Variants in SERP1 observed in about 807,000 individuals in gnomAD.
SERP1 encodes the protein stress-associated endoplasmic reticulum protein 1.
Under a neutral mutation model 8.8 loss-of-function variants are expected in SERP1, and 6 were observed. That is an observed-to-expected ratio of 0.68 (90% CI 0.37 to 1.35). SERP1 has a LOEUF of 1.35. Among genes scored for constraint, SERP1 ranks in the 40% most tolerant of loss-of-function variants. The probability of loss-of-function intolerance (pLI) is 0.02; values close to 1 mark genes in which losing one functional copy is unlikely to be tolerated. For missense variants in SERP1, 52 were observed against 86.2 expected (o/e 0.60, Z 1.57); for synonymous variants, 36 against 28.7 (o/e 1.25, Z -0.81).
Position 150,546,350 on chromosome 3 carries a change from G to A in SERP1, c.-215C>T. 5.1e-6 allele frequency: 3 copies of A among 588,088 alleles called. No individual in the cohort carries two copies. The highest frequency in any genetic ancestry group is 5.9e-6 in the Non-Finnish European group (2 of 340,534). The allele number at this position is 588,088 out of a possible 1,614,324, so 36.4% of individuals were successfully genotyped here. A position where few individuals can be genotyped will look rare whatever the true frequency, so the allele number is the denominator to read the frequency against. ...CGGCCGCCGACTGACTGACCGAGCG[G>A]GGCAGGTGCGCAGGAGGAAGAGAAC... On this transcript the variant is annotated 5_prime_UTR_variant, in exon 1 of 3. Transcript: ENST00000239944.
At position 150,542,860 on chromosome 3, in the gene SERP1, A is replaced by T. The variant is rs1259869592; in HGVS notation, c.*1598T>A. On this transcript the variant is annotated 3_prime_UTR_variant, in exon 3 of 3. Transcript: ENST00000239944. ...CATAAAACAGAATTAGTTAACCAAG[A>T]CACTTGTTTCAAAAAGGGAAACAAG... 2 of 152,654 alleles carry T rather than the reference A, an allele frequency of 1.3e-5. No individual in the cohort carries two copies. The highest frequency in any genetic ancestry group is 2.9e-5 in the Non-Finnish European group (2 of 68,032). 9.5% of individuals were successfully genotyped at this position (152,654 alleles called of 1,614,324 possible). A position where few individuals can be genotyped will look rare whatever the true frequency, so the allele number is the denominator to read the frequency against.
At chr3:150,545,634 C>T (rs1178606645) in intron 2 of SERP1, 69 bp downstream of exon 2, 1 of 1,456,644 alleles carries the variant, frequency 6.9e-7, no homozygotes, top group East Asian at 2.4e-5. Context: ...CACTACTGAC[C>T]GGTCACCACG....
In SERP1 at chr3:150,542,844, G is replaced by A. The variant is rs535058739; in HGVS notation, c.*1614C>T. On this transcript the variant is annotated 3_prime_UTR_variant, in exon 3 of 3. Coordinates refer to ENST00000239944, the MANE Select transcript of SERP1 (RefSeq NM_014445.4). ...ATGAATTTAGCACAACCATAAAACAGAATTAGTTAACCAAGACACTTGTTT... is the reference window on the plus strand; with the variant it reads ...ATGAATTTAGCACAACCATAAAACAAAATTAGTTAACCAAGACACTTGTTT... 1.8e-3 allele frequency: 280 copies of A among 152,694 alleles called. 1 individual carries two copies. Among genetic ancestry groups the A allele is most frequent in the Non-Finnish European group, 2.9e-3 (198 of 67,992 alleles). The allele number at this position is 152,694 out of a possible 1,614,324, so 9.5% of individuals were successfully genotyped here. A position where few individuals can be genotyped will look rare whatever the true frequency, so the allele number is the denominator to read the frequency against.
intron 2 of SERP1, 199 bp downstream of exon 2, chr3:150,545,504 C>T (rs1722967930): frequency 1.7e-6 from 1 of 576,202 alleles, no homozygotes; most frequent in Non-Finnish European, 3.1e-6. Context: ...ACAAATTAAG[C>T]TGGGAGAAGT....
In SERP1 at chr3:150,542,227, T is replaced by C. The variant is rs559560943; in HGVS notation, c.*2231A>G. ...TTCTCATACTGTGCTCAACATTAGATGATCTATAAAATTCAACTGGCAAAG... is the reference window on the plus strand; with the variant it reads ...TTCTCATACTGTGCTCAACATTAGACGATCTATAAAATTCAACTGGCAAAG... On this transcript the variant is annotated 3_prime_UTR_variant, in exon 3 of 3. Transcript: ENST00000239944. 1 of 152,240 alleles carries C rather than the reference T, an allele frequency of 6.6e-6. No individual in the cohort carries two copies. The highest frequency in any genetic ancestry group is 2.1e-4 in the South Asian group (1 of 4,838). The allele number at this position is 152,240 out of a possible 1,614,324, so 9.4% of individuals were successfully genotyped here.
rs1401249718 is a variant in SERP1 at position 150,543,777 on chromosome 3, TTTTA to T, written c.*677_*680del. 1 of 152,206 alleles carries T rather than the reference TTTTA, an allele frequency of 6.6e-6. No homozygotes were observed. The highest frequency in any genetic ancestry group is 1.5e-5 in the Non-Finnish European group (1 of 68,010). 9.4% of individuals were successfully genotyped at this position (152,206 alleles called of 1,614,324 possible). ...AAGTCAGAAAACGATCAAGTTTTTT[TTTTA>T]TGGCATCTTGGGTTACTATACTCAC... is the stretch of plus-strand genomic sequence containing the variant. On this transcript the variant is annotated 3_prime_UTR_variant, in exon 3 of 3. Transcript: ENST00000239944.
rs1050091 is a variant in SERP1 at position 150,544,254 on chromosome 3, T to C, written c.*204A>G. 3.6e-6 allele frequency: 2 copies of C among 555,786 alleles called. No individual in the cohort carries two copies. The highest frequency in any genetic ancestry group is 2.6e-5 in the South Asian group (1 of 39,202). The allele number at this position is 555,786 out of a possible 1,614,324, so 34.4% of individuals were successfully genotyped here. A position where few individuals can be genotyped will look rare whatever the true frequency, so the allele number is the denominator to read the frequency against. ...AAATTTTATTGCTTTATTCATGTGG[T>C]GTTTTTTGCAAGGCACTGTGGTATG... On this transcript the variant is annotated 3_prime_UTR_variant, in exon 3 of 3. Coordinates refer to ENST00000239944, the MANE Select transcript of SERP1 (RefSeq NM_014445.4).
intron 2 of SERP1, among the ~76,000 whole-genome samples, chr3:150,545,068 G>A (rs1478860885): frequency 1.4e-5 from 2 of 146,806 alleles, no homozygotes; most frequent in African/African-American, 5.0e-5. Flanking sequence ...GATAAATGAA[G>A]AGAGGAAAGA....
intron 2 of SERP1, 36 bp downstream of exon 2, chr3:150,545,667 A>G: frequency 6.3e-7 from 1 of 1,578,064 alleles, no homozygotes; most frequent in South Asian, 1.1e-5. Flanking sequence ...CTTTCAACCC[A>G]AGACTCTACC....
At position 150,546,399 on chromosome 3, in the gene SERP1, C is replaced by G. The variant is rs1723025592; in HGVS notation, c.-264G>C. ...ACTGGCCGCCGGGTCGTTCTCGCGC[C>G]GCCGTCGCCGCCGCTTTGGCCGCCG... On this transcript the variant is annotated 5_prime_UTR_variant, in exon 1 of 3. Transcript: ENST00000239944. 5.4e-6 allele frequency: 3 copies of G among 557,052 alleles called. No individual in the cohort carries two copies. The African/African-American group carries it at 5.9e-5, about 11-fold the overall frequency. 34.5% of individuals were successfully genotyped at this position (557,052 alleles called of 1,614,324 possible). A position where few individuals can be genotyped will look rare whatever the true frequency, so the allele number is the denominator to read the frequency against.
intron 1 of SERP1, 34 bp from the exon 2 acceptor site, chr3:150,545,812 G>C (rs781641558): frequency 1.9e-6 from 3 of 1,578,228 alleles, no homozygotes; most frequent in African/African-American, 1.4e-5. Flanking sequence ...TTCAGATGCA[G>C]AGAAACCACT....
intron 2 of SERP1, 158 bp downstream of exon 2, chr3:150,545,545 G>T: frequency 8.5e-6 from 6 of 708,490 alleles, no homozygotes. Flanking sequence ...TGCATATGTG[G>T]AACAAGTAAT....
chr3:150,545,962 G>T, intron 1 of SERP1, 90 bp downstream of exon 1: 1 of 1,545,750 alleles, frequency 6.5e-7, no homozygotes, highest in Non-Finnish European at 8.9e-7. Flanking sequence ...CCCACGGTCG[G>T]CCGGATCCGG....
chr3:150,545,885 T>C (rs909928994), intron 1 of SERP1, 107 bp from the exon 2 acceptor site: 8 of 1,363,582 alleles, frequency 5.9e-6, no homozygotes, highest in Non-Finnish European at 8.1e-6. Flanking sequence ...AGGTCTCCCC[T>C]TCCGTTCCCG....
At chr3:150,545,286 C>T (rs111685358) in intron 2 of SERP1, 1 of 239,876 alleles carries the variant, frequency 4.2e-6, no homozygotes, top group African/African-American at 2.2e-5. Context: ...AAAATATACT[C>T]AATTTTGACA....
rs1187342704 is a variant in SERP1, at chr3:150,543,212, T to A, written c.*1246A>T. On this transcript the variant is annotated 3_prime_UTR_variant, in exon 3 of 3. Transcript: ENST00000239944. ...ATACATAGACACTGCTCAGGTTTTTTTTCACCAAGTTATGGCTAAGTATAC... is the reference window on the plus strand; with the variant it reads ...ATACATAGACACTGCTCAGGTTTTTATTCACCAAGTTATGGCTAAGTATAC... The A allele has an allele frequency of 6.6e-6, 1 of 152,610 alleles. No individual in the cohort carries two copies. Among genetic ancestry groups the A allele is most frequent in the Non-Finnish European group, 1.5e-5 (1 of 68,034 alleles). The allele number at this position is 152,610 out of a possible 1,614,324, so 9.5% of individuals were successfully genotyped here.
chr3:150,545,158 T>TA (rs1722954393), intron 2 of SERP1, among the ~76,000 whole-genome samples: 1 of 152,198 alleles, frequency 6.6e-6, no homozygotes, highest in Non-Finnish European at 1.5e-5. Flanking sequence ...ACTTTTTTTT[T>TA]AAACCATGTA....
Position 150,545,716 on chromosome 3 carries a change from A to G in SERP1, c.147T>C (p.Val49=), listed in dbSNP as rs1474249695. The G allele has an allele frequency of 6.2e-7, 1 of 1,607,942 alleles. No individual in the cohort carries two copies. Among genetic ancestry groups the G allele is most frequent in the South Asian group, 1.1e-5 (1 of 90,018 alleles). The change falls in exon 2 of 3, where the codon GTT becomes GTC. Residue 49 remains valine (V), a synonymous_variant. Coordinates refer to ENST00000239944, the MANE Select transcript of SERP1 (RefSeq NM_014445.4). ...GPWLLALFIF[V]VCGSAIFQII... is the part of the protein sequence containing the mutation. ...CAAGCCACTTACCAGAACCACAGAC[A>G]ACAAAAATGAAGAGAGCCAATAACC...
chr3:150,544,728 A>C (rs1310493976), intron 2 of SERP1, among the ~76,000 whole-genome samples: 1 of 152,248 alleles, frequency 6.6e-6, no homozygotes, highest in Admixed American at 6.5e-5. Flanking sequence ...ATGTCTAAGT[A>C]TCCAAGAGAA....
Sources: allele counts gnomAD v4.1 joint callset (sites outside exome capture counted in the v4.1 genomes callset), GRCh38; gene constraint gnomAD v4.1.1; transcripts MANE v1.5; gene names NCBI Gene and HGNC (gene_info 2026-07-23, HGNC 2026-07-21).